Variants in RNFT2 observed in about 807,000 individuals in gnomAD.
RNFT2 encodes ring finger protein, transmembrane 2, also known as E3 ubiquitin-protein ligase RNFT2.
In RNFT2, 36 loss-of-function variants were observed where a neutral mutation model predicts 53.0. That is an observed-to-expected ratio of 0.68 (90% CI 0.52 to 0.90). The LOEUF (loss-of-function observed/expected upper bound fraction) is 0.90, where lower values mean the gene tolerates loss of function less well. Among genes scored for constraint, RNFT2 ranks in the 40% least tolerant of loss-of-function variants. The pLI is 0.00. For synonymous variants in RNFT2, 260 were observed against 253.2 expected (o/e 1.03, Z -0.26); for missense variants, 514 against 585.6 (o/e 0.88, Z 1.26).
intron 5 of RNFT2, chr12:116,755,570 C>T (rs1872467374): frequency 2.4e-6 from 2 of 850,724 alleles, no homozygotes; most frequent in Admixed American, 1.7e-5. Flanking sequence ...GAAGCTATCT[C>T]GGCTCTCAGA....
At chr12:116,821,088 G>A (rs533638512) in intron 7 of RNFT2, among the ~76,000 whole-genome samples, 170 of 152,116 alleles carry the variant, frequency 1.1e-3, no homozygotes, top group African/African-American at 3.9e-3. Context: ...CGCTTAATAC[G>A]GGGGTTACTC....
At chr12:116,819,626 C>T (rs1331208678) in intron 7 of RNFT2, among the ~76,000 whole-genome samples, 3 of 152,166 alleles carry the variant, frequency 2.0e-5, no homozygotes, top group Non-Finnish European at 4.4e-5. Context: ...GTGACGTCAC[C>T]GGCAGCACCC....
chr12:116,750,900 A>AT (rs1566069594), intron 4 of RNFT2, among the ~76,000 whole-genome samples: 695 of 10,556 alleles, frequency 0.066, 20 homozygotes, highest in Middle Eastern at 0.17. Flanking sequence ...TAATATATAT[A>AT]TATATATATT....
At chr12:116,759,194 A>G (rs1414393764) in intron 5 of RNFT2, among the ~76,000 whole-genome samples, 2 of 152,016 alleles carry the variant, frequency 1.3e-5, no homozygotes, top group African/African-American at 4.8e-5. Context: ...AATGTGTCCA[A>G]AGTTTCCTGA....
At chr12:116,747,742 C>A (rs942428527) in intron 3 of RNFT2, among the ~76,000 whole-genome samples, 1 of 152,084 alleles carries the variant, frequency 6.6e-6, no homozygotes, top group African/African-American at 2.4e-5. Flanking sequence ...CATCTGGAGT[C>A]TCTTAGTGGT....
intron 7 of RNFT2, among the ~76,000 whole-genome samples, chr12:116,784,031 G>C (rs1011434095): frequency 3.3e-5 from 5 of 152,228 alleles, no homozygotes; most frequent in Non-Finnish European, 4.4e-5. Flanking sequence ...GCACAGCACA[G>C]AGAGGTTCAG....
chr12:116,833,477 G>GGCTTGGA (rs1241131559), intron 7 of RNFT2, among the ~76,000 whole-genome samples: 2 of 152,188 alleles, frequency 1.3e-5, no homozygotes, highest in African/African-American at 4.8e-5. Context: ...AAGCCACAGC[G>GGCTTGGA]AGACCCAGAG....
intron 10 of RNFT2, among the ~76,000 whole-genome samples, chr12:116,848,457 C>G (rs1877730026): frequency 6.6e-6 from 1 of 152,156 alleles, no homozygotes; most frequent in African/African-American, 2.4e-5. Context: ...CCATGGGCCC[C>G]TTACTTCTCT....
At chr12:116,799,461 C>A (rs1007369534) in intron 7 of RNFT2, among the ~76,000 whole-genome samples, 1 of 152,184 alleles carries the variant, frequency 6.6e-6, no homozygotes, top group African/African-American at 2.4e-5. Context: ...TCATTACCTT[C>A]GTAGTACTGG....
rs1204242807 is a variant in RNFT2 at position 116,851,028 on chromosome 12, C to G, written c.*1580C>G. 1 of 152,134 alleles carries G rather than the reference C, an allele frequency of 6.6e-6. No homozygotes were observed. The allele number at this position is 152,134 out of a possible 1,614,324, so 9.4% of individuals were successfully genotyped here. A position where few individuals can be genotyped will look rare whatever the true frequency, so the allele number is the denominator to read the frequency against. The stretch of plus-strand genomic sequence containing the variant: ...CATGCGCAGCAGGCAAAGCATGCAG[C>G]ATCCTGCTTGGATTACGTGCTGTCA... On this transcript the variant is annotated 3_prime_UTR_variant, in exon 11 of 11. Transcript: ENST00000257575.
chr12:116,828,664 G>T (rs779572915), intron 7 of RNFT2, among the ~76,000 whole-genome samples: 13 of 152,098 alleles, frequency 8.5e-5, no homozygotes, highest in Admixed American at 2.0e-4. Flanking sequence ...AAGAAGAAAG[G>T]GAGTGGGCAA....
At chr12:116,843,486 G>A (rs1324073745) in intron 10 of RNFT2, among the ~76,000 whole-genome samples, 1 of 78,798 alleles carries the variant, frequency 1.3e-5, no homozygotes, top group Non-Finnish European at 2.3e-5. Context: ...GAGTGTGACT[G>A]TGTCTCAAAA....
chr12:116,767,895 G>A (rs941588234), intron 6 of RNFT2, among the ~76,000 whole-genome samples: 75 of 151,790 alleles, frequency 4.9e-4, no homozygotes, highest in Admixed American at 4.7e-3. Flanking sequence ...CTTTTTTCAC[G>A]TTAACTCTTT....
intron 10 of RNFT2, among the ~76,000 whole-genome samples, chr12:116,842,299 G>A (rs893670775): frequency 3.3e-5 from 5 of 151,932 alleles, no homozygotes; most frequent in African/African-American, 7.3e-5. Context: ...GTCACTAGGC[G>A]CCACCCTTAC....
At chr12:116,748,652 C>T (rs751526665) in intron 3 of RNFT2, 3 of 451,962 alleles carry the variant, frequency 6.6e-6, no homozygotes, top group South Asian at 3.1e-5. Context: ...TGCCGCCCAC[C>T]CAATGTCAGC....
chr12:116,802,834 C>T (rs951898900), intron 7 of RNFT2, among the ~76,000 whole-genome samples: 3 of 152,144 alleles, frequency 2.0e-5, no homozygotes, highest in Non-Finnish European at 2.9e-5. Flanking sequence ...GTGGCTCATG[C>T]CTGTAATCCT....
intron 7 of RNFT2, among the ~76,000 whole-genome samples, chr12:116,816,301 G>T (rs1341759813): frequency 6.6e-6 from 1 of 152,180 alleles, no homozygotes; most frequent in Non-Finnish European, 1.5e-5. Flanking sequence ...TAGATCAAGG[G>T]AACCATGGCC....
intron 5 of RNFT2, among the ~76,000 whole-genome samples, chr12:116,766,421 A>G (rs1329729125): frequency 2.0e-5 from 3 of 152,198 alleles, no homozygotes; most frequent in Admixed American, 6.5e-5. Context: ...TTACAACTCT[A>G]TAAGGTAGAT....
rs548037701 is a variant in RNFT2, at chr12:116,755,459, T to C, written c.627+1399T>C. 28 of 1,176,084 alleles carry C rather than the reference T, an allele frequency of 2.4e-5. No individual in the cohort carries two copies. The East Asian group carries it at 6.3e-4, about 26-fold the overall frequency. The allele number at this position is 1,176,084 out of a possible 1,614,324, so 72.9% of individuals were successfully genotyped here. ...CTCCTTCCCATTGGCTCTCACAAAG[T>C]GTGCTTCTCTGGGTGGAGCAGGCTG... On this transcript the variant is annotated intron_variant, in intron 5 of 10. Coordinates refer to ENST00000257575, the MANE Select transcript of RNFT2 (RefSeq NM_001382266.1).
Sources: gnomAD v4.1 joint callset for allele counts (sites outside exome capture counted in the v4.1 genomes callset) on GRCh38, gnomAD v4.1.1 for gene constraint, MANE v1.5 for transcripts, NCBI Gene and HGNC (gene_info 2026-07-23, HGNC 2026-07-21) for gene names.